Variants in GPC6 observed in about 807,000 individuals in gnomAD.
GPC6 encodes glypican 6, also known as glypican-6.
GPC6 carries 14 observed loss-of-function variants against 55.2 expected under a neutral mutation model. That is an observed-to-expected ratio of 0.25 (90% confidence interval 0.17 to 0.40). GPC6 has a LOEUF of 0.40. Among genes scored for constraint, GPC6 ranks in the 10% least tolerant of loss-of-function variants. The pLI is 1.00. For missense variants in GPC6, 641 were observed against 708.5 expected, an observed-to-expected ratio of 0.90 and a Z score of 1.08; for synonymous variants, 278 against 259.6, an observed-to-expected ratio of 1.07 and a Z score of -0.68.
At chr13:93,482,351 C>A (rs1001012340) in intron 1 of GPC6, among the ~76,000 whole-genome samples, 1 of 152,006 alleles carries the variant, frequency 6.6e-6, no homozygotes. Context: ...AAACTGGATG[C>A]TTTTTAATTT....
intron 1 of GPC6, among the ~76,000 whole-genome samples, chr13:93,485,220 G>A (rs1352872292): frequency 6.6e-6 from 1 of 152,172 alleles, no homozygotes; most frequent in African/African-American, 2.4e-5. Context: ...GGACATTCTA[G>A]CACAAAGGGG....
intron 2 of GPC6, among the ~76,000 whole-genome samples, chr13:93,825,934 C>G (rs1887226250): frequency 6.9e-6 from 1 of 145,834 alleles, no homozygotes; most frequent in Non-Finnish European, 1.5e-5. Flanking sequence ...GATCTCAGCT[C>G]ATTGCAACCT....
chr13:93,396,605 C>A (rs1290078540), intron 1 of GPC6, among the ~76,000 whole-genome samples: 1 of 146,134 alleles, frequency 6.8e-6, no homozygotes, highest in Non-Finnish European at 1.5e-5. Context: ...AATAATAGAA[C>A]TATAAGCTCT....
rs569287862 is a variant in GPC6 at position 93,740,787 on chromosome 13, AAATAC to A, written c.320-89364_320-89360del. On this transcript the variant is annotated intron_variant, in intron 2 of 8. Coordinates refer to ENST00000377047, the MANE Select transcript of GPC6 (RefSeq NM_005708.5). ...AAATAAATTCAGGTACAAAAAGAATAAATACAAGACTCAAACAGTCTGATGCCTAA... is the reference window on the plus strand; with the variant it reads ...AAATAAATTCAGGTACAAAAAGAATAAAGACTCAAACAGTCTGATGCCTAA... 4.8e-4 allele frequency among the ~76,000 whole-genome samples: 73 copies of A among 152,342 alleles called. 1 individual carries two copies. The highest frequency in any genetic ancestry group is 6.8e-3 in the Middle Eastern group (2 of 294).
At position 94,007,490 on chromosome 13, in the gene GPC6, T is replaced by G. The variant is rs74111403; in HGVS notation, c.712-20239T>G. Among the ~76,000 whole-genome samples, 712 of 152,300 alleles carry G rather than the reference T, an allele frequency of 4.7e-3. 7 individuals are homozygous for G. The highest frequency in any genetic ancestry group is 0.015 in the African/African-American group (615 of 41,570). ...GACACACTGTTGCTGCTGCTGACCA[T>G]GGACAGCATCTGGATGGTAATACCA... On this transcript the variant is annotated intron_variant, in intron 3 of 8. Coordinates refer to ENST00000377047, the MANE Select transcript of GPC6 (RefSeq NM_005708.5).
chr13:93,735,044 A>C (rs1355189770), intron 2 of GPC6, among the ~76,000 whole-genome samples: 1 of 152,102 alleles, frequency 6.6e-6, no homozygotes, highest in East Asian at 1.9e-4. Flanking sequence ...TTTTGTCCAT[A>C]TGTGTATGTA....
chr13:93,235,986 A>T (rs1876221059), intron 1 of GPC6, among the ~76,000 whole-genome samples: 1 of 152,186 alleles, frequency 6.6e-6, no homozygotes, highest in African/African-American at 2.4e-5. Flanking sequence ...TCCAGGAGCT[A>T]AGGCCTCATG....
chr13:94,381,179 A>G (rs577178085), intron 6 of GPC6, among the ~76,000 whole-genome samples: 98 of 152,224 alleles, frequency 6.4e-4, no homozygotes, highest in African/African-American at 2.3e-3. Context: ...GTACTTTGAG[A>G]TTCTGTAAAT....
At chr13:93,931,990 C>T (rs1485160400) in intron 3 of GPC6, among the ~76,000 whole-genome samples, 1 of 152,044 alleles carries the variant, frequency 6.6e-6, no homozygotes, top group Non-Finnish European at 1.5e-5. Context: ...AACTCCAAAG[C>T]CTTAATCATC....
chr13:93,410,009 C>A (rs1326670767), intron 1 of GPC6, among the ~76,000 whole-genome samples: 1 of 152,152 alleles, frequency 6.6e-6, no homozygotes, highest in African/African-American at 2.4e-5. Context: ...TTAGGTTCTT[C>A]CCCTGGAGAC....
chr13:93,620,971 G>A (rs3858840), intron 2 of GPC6, among the ~76,000 whole-genome samples: 46,341 of 152,048 alleles, frequency 0.3, 7,557 homozygotes, highest in Non-Finnish European at 0.37. Flanking sequence ...TAATCAATGA[G>A]TGTTTATTGA....
intron 4 of GPC6, among the ~76,000 whole-genome samples, chr13:94,211,443 T>C (rs554689626): frequency 6.6e-6 from 1 of 152,216 alleles, no homozygotes; most frequent in African/African-American, 2.4e-5. Context: ...TTTTGTCTCA[T>C]AGCATAGAAA....
intron 2 of GPC6, among the ~76,000 whole-genome samples, chr13:93,694,014 C>A (rs1052709244): frequency 6.6e-6 from 1 of 152,102 alleles, no homozygotes; most frequent in Non-Finnish European, 1.5e-5. Context: ...AAACTCTATA[C>A]AACTCTCATT....
chr13:94,272,524 A>T (rs1403561125), intron 4 of GPC6, among the ~76,000 whole-genome samples: 1 of 127,068 alleles, frequency 7.9e-6, no homozygotes, highest in Non-Finnish European at 1.5e-5. Flanking sequence ...GCTGGAGTGC[A>T]GTGGTGCCAT....
intron 2 of GPC6, among the ~76,000 whole-genome samples, chr13:93,648,606 A>T (rs1454609154): frequency 6.6e-6 from 1 of 152,336 alleles, no homozygotes; most frequent in East Asian, 1.9e-4. Flanking sequence ...GCAGAGACTG[A>T]TAAAAATGTT....
intron 2 of GPC6, among the ~76,000 whole-genome samples, chr13:93,647,147 T>C (rs1880209086): frequency 6.6e-6 from 1 of 152,192 alleles, no homozygotes; most frequent in East Asian, 1.9e-4. Flanking sequence ...AAATCTGGGT[T>C]AATTATATAT....
intron 1 of GPC6, among the ~76,000 whole-genome samples, chr13:93,260,254 A>T (rs1424148538): frequency 6.6e-6 from 1 of 152,132 alleles, no homozygotes; most frequent in East Asian, 1.9e-4. Context: ...CCAATGTATT[A>T]CTAATTTGAG....
At chr13:93,254,388 T>C in intron 1 of GPC6, among the ~76,000 whole-genome samples, 1 of 152,220 alleles carries the variant, frequency 6.6e-6, no homozygotes, top group East Asian at 1.9e-4. Flanking sequence ...AAAGTGTGTA[T>C]GCTTGTGTAC....
At chr13:93,481,624 T>C (rs1419755734) in intron 1 of GPC6, among the ~76,000 whole-genome samples, 2 of 122,702 alleles carry the variant, frequency 1.6e-5, no homozygotes, top group Non-Finnish European at 3.4e-5. Context: ...TTTTGTGAAG[T>C]AGGGATCCAG....
Sources: gnomAD v4.1 joint callset for allele counts (sites outside exome capture counted in the v4.1 genomes callset) on GRCh38, gnomAD v4.1.1 for gene constraint, MANE v1.5 for transcripts, NCBI Gene and HGNC (gene_info 2026-07-23, HGNC 2026-07-21) for gene names.